The following DENND2C variants were observed in gnomAD, a reference collection of about 807,000 sequenced individuals.
DENND2C encodes the protein DENN domain-containing protein 2C.
In DENND2C, 72 loss-of-function variants were observed where a neutral mutation model predicts 112.4. The observed-to-expected ratio is 0.64, with a 90% confidence interval of 0.53 to 0.78. The LOEUF (loss-of-function observed/expected upper bound fraction) is 0.78. DENND2C is among the 30% of genes least tolerant of loss of function. The pLI is 0.00. For synonymous variants in DENND2C, 329 were observed against 381.6 expected (o/e 0.86, Z 1.61); for missense variants, 992 against 1,113.8 (o/e 0.89, Z 1.56).
In DENND2C at chr1:114,587,963, A is replaced by G. The variant is rs778541405; in HGVS notation, c.2432-11T>C. On this transcript the variant is annotated splice_polypyrimidine_tract_variant and intron_variant, in intron 18 of 20. Transcript: ENST00000393274. ...AGTTGAGTGTCACATCTGCTGCAAC[A>G]TGAAAAAGAAAAAAAGAAAAAAATC... 3 of 1,608,512 alleles carry G rather than the reference A, an allele frequency of 1.9e-6. No individual in the cohort carries two copies. Among genetic ancestry groups the G allele is most frequent in the Non-Finnish European group, 2.5e-6 (3 of 1,177,774 alleles).
chr1:114,622,943 G>T, intron 6 of DENND2C, 44 bp downstream of exon 6: 1 of 1,453,186 alleles, frequency 6.9e-7, no homozygotes, highest in South Asian at 1.2e-5. Context: ...TAGATACCAT[G>T]AATAAGATTC....
At chr1:114,619,129 T>C (rs1378759133) in intron 7 of DENND2C, among the ~76,000 whole-genome samples, 1 of 152,202 alleles carries the variant, frequency 6.6e-6, no homozygotes, top group Admixed American at 6.5e-5. Flanking sequence ...TCTCTCCATT[T>C]CATAAGTATT....
rs765974365 is a variant in DENND2C, at chr1:114,625,800, G to C, written c.185C>G (p.Pro62Arg). Residue 62 changes from proline (P) to arginine (R), a missense_variant, in exon 4 of 21, where the codon CCT (proline) becomes CGT (arginine). Physicochemically the swap from Pro to Arg is moderately radical, Grantham distance 103. This residue lies in a region of DENND2C where 470 missense variants were observed against 472.7 expected (regional missense o/e 0.99). Coordinates refer to ENST00000393274, the MANE Select transcript of DENND2C (RefSeq NM_001256404.2). ...GTTTTTGCTCTTTCTCTCAGCTATA[G>C]GATTTTTCTTAAGACGGATCTCTTG... ...CHQEIRLKKN[P>R]IAERKSKNLD... 1.2e-6 allele frequency: 2 copies of C among 1,614,016 alleles called. No homozygotes were observed. The highest frequency in any genetic ancestry group is 3.3e-5 in the Admixed American group (2 of 59,998).
chr1:114,587,652 AAT>A, intron 19 of DENND2C, 62 bp downstream of exon 19: 1 of 1,463,890 alleles, frequency 6.8e-7, no homozygotes, highest in Non-Finnish European at 9.3e-7. Context: ...TTTTATTCAT[AAT>A]ATAGTAAAAT....
intron 1 of DENND2C, among the ~76,000 whole-genome samples, chr1:114,660,290 T>C (rs917339229): frequency 6.6e-6 from 1 of 152,226 alleles, no homozygotes; most frequent in African/African-American, 2.4e-5. Flanking sequence ...TTTCTGTGCA[T>C]ACCAAAGCTT....
intron 1 of DENND2C, among the ~76,000 whole-genome samples, chr1:114,667,941 T>C (rs1045960764): frequency 6.6e-6 from 1 of 152,200 alleles, no homozygotes; most frequent in African/African-American, 2.4e-5. Flanking sequence ...GAATTTAGAA[T>C]ACTGCCTGGC....
At position 114,659,881 on chromosome 1, in the gene DENND2C, T is replaced by C. The variant is rs116107929; in HGVS notation, c.-573-5120A>G. Among the ~76,000 whole-genome samples, 1,124 of 148,664 alleles carry C rather than the reference T, an allele frequency of 7.6e-3. 8 individuals carry two copies. The highest frequency in any genetic ancestry group is 0.029 in the South Asian group (129 of 4,500). ...ATTGCAACTCACTGTAGCCTCACTC[T>C]TTGGGCTTACGCGATCCTTCTACCT... On this transcript the variant is annotated intron_variant, in intron 1 of 20. Transcript: ENST00000393274.
chr1:114,607,723 T>C (rs562436740), intron 10 of DENND2C, among the ~76,000 whole-genome samples: 1 of 152,176 alleles, frequency 6.6e-6, no homozygotes, highest in East Asian at 1.9e-4. Context: ...TAAAAAAAGG[T>C]AGAGAAACCA....
Position 114,586,227 on chromosome 1 carries a change from A to G in DENND2C, c.2756-596T>C, listed in dbSNP as rs569992068. On this transcript the variant is annotated intron_variant, in intron 20 of 20. Coordinates refer to ENST00000393274, the MANE Select transcript of DENND2C (RefSeq NM_001256404.2). ...AAATGTGTTTCTGTATGAAGTAGAAAATTAGAGACTTGTAAGAAATCCTCT... is the reference window on the plus strand; with the variant it reads ...AAATGTGTTTCTGTATGAAGTAGAAGATTAGAGACTTGTAAGAAATCCTCT... Among the ~76,000 whole-genome samples, 5 of 152,330 alleles carry G rather than the reference A, an allele frequency of 3.3e-5. No homozygotes were observed. In the South Asian group the frequency reaches 1.0e-3, roughly 32 times the overall value.
At chr1:114,653,110 T>A (rs947673588) in intron 2 of DENND2C, among the ~76,000 whole-genome samples, 134 of 151,788 alleles carry the variant, frequency 8.8e-4, no homozygotes, top group African/African-American at 3.2e-3. Context: ...TAACTTCACA[T>A]TGGTACTTTT....
intron 7 of DENND2C, among the ~76,000 whole-genome samples, chr1:114,619,773 A>AT (rs1361369682): frequency 6.6e-6 from 1 of 152,230 alleles, no homozygotes; most frequent in Non-Finnish European, 1.5e-5. Flanking sequence ...TAGCATAATT[A>AT]TTAATTTGCA....
At chr1:114,597,116 C>A (rs947099816) in intron 16 of DENND2C, among the ~76,000 whole-genome samples, 1 of 152,026 alleles carries the variant, frequency 6.6e-6, no homozygotes, top group Non-Finnish European at 1.5e-5. Context: ...AAAAGGCAAG[C>A]CACAGACAAA....
At chr1:114,615,933 G>A (rs1020832616) in intron 8 of DENND2C, among the ~76,000 whole-genome samples, 1 of 152,030 alleles carries the variant, frequency 6.6e-6, no homozygotes, top group Non-Finnish European at 1.5e-5. Context: ...AAATTAGCCG[G>A]GTGTGGTGGT....
chr1:114,602,361 G>C (rs1249896727), intron 11 of DENND2C, among the ~76,000 whole-genome samples, 167 bp from the exon 12 acceptor site: 1 of 152,104 alleles, frequency 6.6e-6, no homozygotes, highest in East Asian at 1.9e-4. Flanking sequence ...TTGAAAACTA[G>C]AGTCCAGGTT....
At chr1:114,608,570 A>G (rs912558314) in intron 10 of DENND2C, 116 bp downstream of exon 10, 18 of 1,183,732 alleles carry the variant, frequency 1.5e-5, no homozygotes, top group African/African-American at 3.1e-5. Context: ...AGATCCTACC[A>G]CAAGAACAGT....
intron 7 of DENND2C, among the ~76,000 whole-genome samples, chr1:114,619,012 C>A (rs1656083508): frequency 6.6e-6 from 1 of 152,106 alleles, no homozygotes. Context: ...ATTAGGAGAG[C>A]CAAATATACT....
chr1:114,608,270 A>T lies in DENND2C; in HGVS notation c.1557+416T>A, dbSNP rs1024743876. Among the ~76,000 whole-genome samples the T allele has an allele frequency of 3.3e-5, 5 of 151,948 alleles. No individual in the cohort carries two copies. The East Asian group carries it at 5.8e-4, about 18-fold the overall frequency. On this transcript the variant is annotated intron_variant, in intron 10 of 20. Coordinates refer to ENST00000393274, the MANE Select transcript of DENND2C (RefSeq NM_001256404.2). ...GGCAACAGAGCAAGACTCCATCTAAAAAAAAAAAAGAAAGAAAAAGAAAAG... is the reference window on the plus strand; with the variant it reads ...GGCAACAGAGCAAGACTCCATCTAATAAAAAAAAAGAAAGAAAAAGAAAAG...
rs12024446 is a variant in DENND2C at position 114,646,296 on chromosome 1, G to C, written c.-316-737C>G. 1.1e-3 allele frequency among the ~76,000 whole-genome samples: 171 copies of C among 152,140 alleles called. 2 individuals are homozygous for C. In the East Asian group the frequency reaches 0.028, roughly 25 times the overall value. ...CTGAACATGTTTAAGATAATTTTTT[G>C]CTGACAACCACTTGTCATTACAGAA... is the stretch of plus-strand genomic sequence containing the variant. On this transcript the variant is annotated intron_variant, in intron 2 of 20. Coordinates refer to ENST00000393274, the MANE Select transcript of DENND2C (RefSeq NM_001256404.2).
At chr1:114,637,663 C>G (rs930633977) in intron 3 of DENND2C, among the ~76,000 whole-genome samples, 4 of 151,778 alleles carry the variant, frequency 2.6e-5, no homozygotes, top group African/African-American at 4.8e-5. Context: ...TGTATGCCAC[C>G]ACACCTGGCT....
Sources: allele counts gnomAD v4.1 joint callset (sites outside exome capture counted in the v4.1 genomes callset), GRCh38; gene constraint gnomAD v4.1.1; regional missense constraint gnomAD v4.1.1; transcripts MANE v1.5; gene names NCBI Gene and HGNC (gene_info 2026-07-23, HGNC 2026-07-21).